Variants in KCND2 observed in about 807,000 individuals in gnomAD.
KCND2 encodes potassium voltage-gated channel subfamily D member 2, also known as A-type voltage-gated potassium channel KCND2.
In KCND2, 16 loss-of-function variants were observed where a neutral mutation model predicts 54.4. The observed-to-expected ratio is 0.29, with a 90% CI of 0.20 to 0.45. The LOEUF is 0.45. Among genes scored for constraint, KCND2 ranks in the 20% least tolerant of loss-of-function variants. The probability of loss-of-function intolerance (pLI) is 1.00; values close to 1 mark genes in which losing one functional copy is unlikely to be tolerated. For missense variants in KCND2, 486 were observed against 824.2 expected (o/e 0.59, Z 5.02); for synonymous variants, 317 against 310.7 (o/e 1.02, Z -0.21).
intron 1 of KCND2, among the ~76,000 whole-genome samples, chr7:120,512,255 TA>T (rs1186861404): frequency 6.6e-6 from 1 of 152,078 alleles, no homozygotes; most frequent in African/African-American, 2.4e-5. Context: ...AAATACAGAT[TA>T]AAAATTAAGA....
At chr7:120,355,480 G>T (rs1013358006) in intron 1 of KCND2, among the ~76,000 whole-genome samples, 3 of 152,078 alleles carry the variant, frequency 2.0e-5, no homozygotes, top group Non-Finnish European at 4.4e-5. Flanking sequence ...CTGGGAGGTG[G>T]GGGGGTGCAA....
intron 1 of KCND2, among the ~76,000 whole-genome samples, chr7:120,414,203 ATAGT>A (rs1235065459): frequency 6.6e-6 from 1 of 152,094 alleles, no homozygotes; most frequent in African/African-American, 2.4e-5. Flanking sequence ...ATGCACTATA[ATAGT>A]TAATTTGTAT....
chr7:120,407,154 C>A (rs1801373054), intron 1 of KCND2, among the ~76,000 whole-genome samples: 1 of 151,890 alleles, frequency 6.6e-6, no homozygotes, highest in African/African-American at 2.4e-5. Context: ...ACCAGATGAA[C>A]CCCCAAACAC....
chr7:120,448,610 C>G (rs1316345578), intron 1 of KCND2, among the ~76,000 whole-genome samples: 2 of 151,252 alleles, frequency 1.3e-5, no homozygotes, highest in Non-Finnish European at 2.9e-5. Context: ...CTGGCAGAGA[C>G]ACAATAAAAA....
intron 1 of KCND2, among the ~76,000 whole-genome samples, chr7:120,728,199 A>G (rs957516008): frequency 4.0e-5 from 6 of 151,506 alleles, no homozygotes; most frequent in African/African-American, 9.7e-5. Context: ...TTTCCTTTCA[A>G]TTAACGATGT....
chr7:120,541,041 C>G (rs551616598), intron 1 of KCND2, among the ~76,000 whole-genome samples: 1 of 152,262 alleles, frequency 6.6e-6, no homozygotes, highest in Non-Finnish European at 1.5e-5. Flanking sequence ...CTTTATCCTT[C>G]TCCCCACCCT....
Position 120,491,177 on chromosome 7 carries a change from A to G in KCND2, c.1115+215430A>G, listed in dbSNP as rs145322697. Among the ~76,000 whole-genome samples the G allele has an allele frequency of 2.0e-5, 3 of 152,294 alleles. No individual in the cohort carries two copies. The East Asian group carries it at 5.8e-4, about 29-fold the overall frequency. On this transcript the variant is annotated intron_variant, in intron 1 of 5. Transcript: ENST00000331113. ...AGATTCTGAGTCACATTTAAGAAAC[A>G]TGAACAAGTATTACATACCAAGTGT...
chr7:120,316,763 C>A (rs1799817911), intron 1 of KCND2, among the ~76,000 whole-genome samples: 1 of 151,220 alleles, frequency 6.6e-6, no homozygotes, highest in African/African-American at 2.4e-5. Context: ...AGAATGATAT[C>A]TTTTTTTTGT....
At chr7:120,423,922 A>G (rs1488275596) in intron 1 of KCND2, among the ~76,000 whole-genome samples, 1 of 152,194 alleles carries the variant, frequency 6.6e-6, no homozygotes, top group East Asian at 1.9e-4. Flanking sequence ...GAATAGAGAG[A>G]TCCTCACAAC....
chr7:120,278,322 G>A (rs1373119905), intron 1 of KCND2, among the ~76,000 whole-genome samples: 2 of 151,852 alleles, frequency 1.3e-5, no homozygotes, highest in Non-Finnish European at 2.9e-5. Context: ...ATACTTAGAG[G>A]ATGAAGTGTA....
At chr7:120,639,429 C>T (rs1220395567) in intron 1 of KCND2, among the ~76,000 whole-genome samples, 1 of 152,076 alleles carries the variant, frequency 6.6e-6, no homozygotes, top group Non-Finnish European at 1.5e-5. Context: ...GGTTCACAAC[C>T]ATGGGCCTCT....
intron 1 of KCND2, among the ~76,000 whole-genome samples, chr7:120,703,944 A>T (rs75212927): frequency 0.02 from 3,086 of 152,344 alleles, 34 homozygotes; most frequent in African/African-American, 0.03. Flanking sequence ...TGTTCATTTT[A>T]GGAAGTCATC....
chr7:120,421,265 T>C (rs1353925820), intron 1 of KCND2, among the ~76,000 whole-genome samples: 3 of 152,198 alleles, frequency 2.0e-5, no homozygotes, highest in Admixed American at 2.0e-4. Context: ...TTACCACTAA[T>C]GTCATGGCAA....
intron 1 of KCND2, among the ~76,000 whole-genome samples, chr7:120,306,667 A>G (rs917571260): frequency 6.6e-6 from 1 of 152,108 alleles, no homozygotes; most frequent in East Asian, 1.9e-4. Context: ...AACTTTCTCT[A>G]TGAAACTCCA....
chr7:120,509,325 G>A (rs1009002365), intron 1 of KCND2, among the ~76,000 whole-genome samples: 11 of 152,086 alleles, frequency 7.2e-5, no homozygotes, highest in African/African-American at 2.6e-4. Flanking sequence ...ATACAAATGT[G>A]CCATAAGAAT....
At chr7:120,731,913 T>G (rs1779394674) in intron 1 of KCND2, among the ~76,000 whole-genome samples, 1 of 152,038 alleles carries the variant, frequency 6.6e-6, no homozygotes, top group South Asian at 2.1e-4. Context: ...GGCAGAATTG[T>G]GGGGGGAAAA....
chr7:120,311,552 T>C (rs1396052699), intron 1 of KCND2, among the ~76,000 whole-genome samples: 1 of 152,180 alleles, frequency 6.6e-6, no homozygotes, highest in Non-Finnish European at 1.5e-5. Flanking sequence ...ACAGTAACTA[T>C]TCTGAATGGA....
chr7:120,538,667 G>A (rs1265622484), intron 1 of KCND2, among the ~76,000 whole-genome samples: 3 of 152,176 alleles, frequency 2.0e-5, no homozygotes, highest in African/African-American at 7.2e-5. Flanking sequence ...GTTTTATACA[G>A]ATGGACCAGA....
chr7:120,411,003 T>A (rs918234549), intron 1 of KCND2, among the ~76,000 whole-genome samples: 3 of 151,910 alleles, frequency 2.0e-5, no homozygotes, highest in African/African-American at 7.2e-5. Flanking sequence ...ATTGTCCCTG[T>A]TTACAGAAGA....
Sources: allele counts gnomAD v4.1 joint callset (sites outside exome capture counted in the v4.1 genomes callset), GRCh38; gene constraint gnomAD v4.1.1; transcripts MANE v1.5; gene names NCBI Gene and HGNC (gene_info 2026-07-23, HGNC 2026-07-21).